The following BIVM variants were observed in gnomAD, a reference collection of about 807,000 sequenced individuals.
The protein encoded by BIVM is basic, immunoglobulin-like variable motif containing, also known as basic immunoglobulin-like variable motif-containing protein.
Under a neutral mutation model 61.4 loss-of-function variants are expected in BIVM, and 31 were observed. That is an observed-to-expected ratio of 0.51 (90% CI 0.38 to 0.68). The LOEUF (loss-of-function observed/expected upper bound fraction) is 0.68. Among genes scored for constraint, BIVM ranks in the 30% least tolerant of loss-of-function variants. The pLI, the probability that BIVM is intolerant of heterozygous loss-of-function variation, is 0.00. For missense variants in BIVM, 526 were observed against 596.0 expected (o/e 0.88, Z 1.22); for synonymous variants, 189 against 210.7 (o/e 0.90, Z 0.89).
In BIVM at chr13:102,839,634, T is replaced by G. The variant is rs1881706388; in HGVS notation, c.1281T>G (p.Leu427=). Residue 427 remains leucine, a synonymous_variant, in exon 11 of 11, where the codon CTT becomes CTG. Coordinates refer to ENST00000257336, the MANE Select transcript of BIVM (RefSeq NM_017693.4). ...FQRLNWQRFG[L]WNFPFGTIRQ... ...GACTTAACTGGCAAAGATTTGGCCT[T>G]TGGAACTTTCCATTTGGAACCATTA... 3.7e-6 allele frequency: 6 copies of G among 1,614,094 alleles called. No individual in the cohort carries two copies. The highest frequency in any genetic ancestry group is 4.2e-6 in the Non-Finnish European group (5 of 1,180,046).
intron 3 of BIVM, among the ~76,000 whole-genome samples, chr13:102,811,485 C>A (rs952398032): frequency 6.6e-6 from 1 of 152,154 alleles, no homozygotes; most frequent in African/African-American, 2.4e-5. Context: ...TGAGTTGCTT[C>A]TCTTGTGTTG....
At chr13:102,827,327 A>C (rs1386790970) in intron 7 of BIVM, among the ~76,000 whole-genome samples, 1 of 151,448 alleles carries the variant, frequency 6.6e-6, no homozygotes, top group African/African-American at 2.4e-5. Flanking sequence ...CATACATCCA[A>C]ACTTTTCATT....
rs74654012 is a variant in BIVM, at chr13:102,808,838, A to G, written c.478+1093A>G. Among the ~76,000 whole-genome samples, 926 of 152,212 alleles carry G rather than the reference A, an allele frequency of 6.1e-3. 15 individuals carry two copies. Among genetic ancestry groups the G allele is most frequent in the African/African-American group, 0.021 (877 of 41,520 alleles). On this transcript the variant is annotated intron_variant, in intron 3 of 10. Transcript: ENST00000257336. Reference sequence around the variant, plus strand: ...TTAAGTTGTCAAATTTGGGGGCTTAAAGTTAATGTTATCCCTCTAACATCT... The same window carrying G: ...TTAAGTTGTCAAATTTGGGGGCTTAGAGTTAATGTTATCCCTCTAACATCT...
chr13:102,831,574 C>T lies in BIVM; in HGVS notation c.911C>T (p.Ala304Val), dbSNP rs1208158390. 6.2e-7 allele frequency: 1 copy of T among 1,613,894 alleles called. No individual in the cohort carries two copies. Among genetic ancestry groups the T allele is most frequent in the African/African-American group, 1.3e-5 (1 of 74,854 alleles). ...TGTTTGTTTTTAATAGCTTCAGGGG[C>T]CCTGTCAAAGTTAACCCGTGGATTG... The part of the protein sequence containing the change: ...NKTAGETASG[A>V]LSKLTRGLKD... The change falls in exon 8 of 11, where the codon GCC (alanine) becomes GTC (valine). Residue 304 changes from alanine (A) to valine (V), a missense_variant. Transcript: ENST00000257336.
At chr13:102,820,221 G>A (rs551379315) in intron 4 of BIVM, among the ~76,000 whole-genome samples, 28 of 151,902 alleles carry the variant, frequency 1.8e-4, no homozygotes, top group African/African-American at 6.0e-4. Flanking sequence ...TTGTGGTGGC[G>A]CACGCCTGTC....
At chr13:102,833,119 T>C (rs1057150904) in intron 8 of BIVM, among the ~76,000 whole-genome samples, 3 of 150,946 alleles carry the variant, frequency 2.0e-5, no homozygotes, top group African/African-American at 4.9e-5. Flanking sequence ...GTTAGCTGAG[T>C]GTGTTGGTAT....
rs564226314 is a variant in BIVM at position 102,838,665 on chromosome 13, C to T, written c.1144C>T (p.Leu382=). ...CKKWADIVTD[L]NTQNPEYLDI... ...TAGATGGGCAGATATTGTTACTGAT[C>T]TAAACACTCAAAATCCAGAATACCT... Residue 382 remains leucine, a synonymous_variant, in exon 10 of 11, where the codon CTA becomes TTA. Transcript: ENST00000257336. 2 of 1,612,958 alleles carry T rather than the reference C, an allele frequency of 1.2e-6. No individual in the cohort carries two copies. The highest frequency in any genetic ancestry group is 2.2e-5 in the East Asian group (1 of 44,812).
chr13:102,817,750 T>A (rs1291370851), intron 4 of BIVM, among the ~76,000 whole-genome samples: 1 of 152,260 alleles, frequency 6.6e-6, no homozygotes, highest in African/African-American at 2.4e-5. Context: ...CAACTGGGGC[T>A]ATTTGGTTAT....
At chr13:102,811,851 G>A (rs1302302993) in intron 3 of BIVM, among the ~76,000 whole-genome samples, 1 of 152,240 alleles carries the variant, frequency 6.6e-6, no homozygotes, top group Non-Finnish European at 1.5e-5. Flanking sequence ...ATATATTGGT[G>A]TGGGTCTTTC....
chr13:102,834,786 C>T (rs1881349483), intron 9 of BIVM, among the ~76,000 whole-genome samples: 1 of 152,230 alleles, frequency 6.6e-6, no homozygotes, highest in Non-Finnish European at 1.5e-5. Context: ...TGCTTTGCCT[C>T]TTCTTGAATT....
At chr13:102,820,233 T>A (rs1292919722) in intron 4 of BIVM, among the ~76,000 whole-genome samples, 1 of 151,604 alleles carries the variant, frequency 6.6e-6, no homozygotes, top group African/African-American at 2.4e-5. Flanking sequence ...ACGCCTGTCG[T>A]CCCAGCTACT....
intron 4 of BIVM, among the ~76,000 whole-genome samples, chr13:102,817,183 C>T (rs1421965789): frequency 6.6e-6 from 1 of 152,084 alleles, no homozygotes; most frequent in Non-Finnish European, 1.5e-5. Flanking sequence ...TTATTTTAAT[C>T]GACAAATGAG....
intron 1 of BIVM, among the ~76,000 whole-genome samples, chr13:102,802,049 G>A (rs1878782953): frequency 6.6e-6 from 1 of 152,306 alleles, no homozygotes; most frequent in East Asian, 1.9e-4. Flanking sequence ...AAGAGCAGAG[G>A]CTTTCAGGCA....
chr13:102,824,507 G>A (rs559334933), intron 7 of BIVM, among the ~76,000 whole-genome samples: 9 of 152,308 alleles, frequency 5.9e-5, no homozygotes, highest in Admixed American at 3.3e-4. Flanking sequence ...ACCTAGAGGA[G>A]CAGTAGTTGG....
Position 102,840,925 on chromosome 13 carries a change from T to C in BIVM, c.*1060T>C, listed in dbSNP as rs1881763455. ...TTATCTGTGAAATGAGATCTCCTGATATTTGATTGCTTTCTCAGTATGGAG... is the reference window on the plus strand; with the variant it reads ...TTATCTGTGAAATGAGATCTCCTGACATTTGATTGCTTTCTCAGTATGGAG... On this transcript the variant is annotated 3_prime_UTR_variant, in exon 11 of 11. Coordinates refer to ENST00000257336, the MANE Select transcript of BIVM (RefSeq NM_017693.4). The C allele has an allele frequency of 6.6e-6, 1 of 152,382 alleles. No individual in the cohort carries two copies. The highest frequency in any genetic ancestry group is 1.5e-5 in the Non-Finnish European group (1 of 68,042). The allele number at this position is 152,382 out of a possible 1,614,324, so 9.4% of individuals were successfully genotyped here.
rs147650069 is a variant in BIVM at position 102,840,872 on chromosome 13, T to C, written c.*1007T>C. ...CCTTAGGGGTAAAGTAAAAGAACAA[T>C]TGGCACCTTAAGTTTCTATACCCAA... is the stretch of plus-strand genomic sequence containing the variant. On this transcript the variant is annotated 3_prime_UTR_variant, in exon 11 of 11. Coordinates refer to ENST00000257336, the MANE Select transcript of BIVM (RefSeq NM_017693.4). 59 of 152,190 alleles carry C rather than the reference T, an allele frequency of 3.9e-4. No homozygotes were observed. Among genetic ancestry groups the C allele is most frequent in the African/African-American group, 1.3e-3 (55 of 41,538 alleles). The allele number at this position is 152,190 out of a possible 1,614,324, so 9.4% of individuals were successfully genotyped here. A position where few individuals can be genotyped will look rare whatever the true frequency, so the allele number is the denominator to read the frequency against.
At chr13:102,834,897 T>A (rs1001328901) in intron 9 of BIVM, among the ~76,000 whole-genome samples, 2 of 152,238 alleles carry the variant, frequency 1.3e-5, no homozygotes, top group Non-Finnish European at 2.9e-5. Flanking sequence ...GTTTATTATT[T>A]TTTTATTGCT....
intron 3 of BIVM, among the ~76,000 whole-genome samples, chr13:102,811,813 G>A (rs1027117446): frequency 6.6e-6 from 1 of 152,194 alleles, no homozygotes; most frequent in African/African-American, 2.4e-5. Flanking sequence ...GTGAGCCACC[G>A]TGCCCAGCCT....
rs1881777389 is a variant in BIVM, at chr13:102,841,351, T to G, written c.*1486T>G. 1.3e-5 allele frequency: 2 copies of G among 152,616 alleles called. No individual in the cohort carries two copies. The allele number at this position is 152,616 out of a possible 1,614,324, so 9.5% of individuals were successfully genotyped here. ...TTTTCTTGAATTTTATATCCGTTTG[T>G]TCACTCGTACATGCCTAGCCTACAG... On this transcript the variant is annotated 3_prime_UTR_variant, in exon 11 of 11. Transcript: ENST00000257336.
Sources: gnomAD v4.1 joint callset for allele counts (sites outside exome capture counted in the v4.1 genomes callset) on GRCh38, gnomAD v4.1.1 for gene constraint, MANE v1.5 for transcripts, NCBI Gene and HGNC (gene_info 2026-07-23, HGNC 2026-07-21) for gene names.